ZNF430: variants seen among roughly 807,000 people sequenced by gnomAD.
ZNF430 encodes the protein zinc finger protein 430.
ZNF430 carries 35 observed loss-of-function variants against 56.7 expected under a neutral mutation model. That is an observed-to-expected ratio of 0.62 (90% CI 0.47 to 0.82). The LOEUF (loss-of-function observed/expected upper bound fraction) is 0.82. Ranked by LOEUF, ZNF430 falls within the 40% of genes least tolerant of loss-of-function variation. The probability of loss-of-function intolerance (pLI) is 0.00; values close to 1 mark genes in which losing one functional copy is unlikely to be tolerated. For synonymous variants in ZNF430, 212 were observed against 224.3 expected (o/e 0.94, Z 0.49); for missense variants, 574 against 661.0 (o/e 0.87, Z 1.44).
chr19:21,055,855 G>C (rs1445649417), intron 4 of ZNF430, among the ~76,000 whole-genome samples: 1 of 152,184 alleles, frequency 6.6e-6, no homozygotes, highest in East Asian at 1.9e-4. Context: ...GGTCTCAGCA[G>C]ACTTAAACTG....
chr19:21,032,416 A>T (rs1040081818), intron 2 of ZNF430, among the ~76,000 whole-genome samples: 5 of 152,296 alleles, frequency 3.3e-5, no homozygotes, highest in Admixed American at 6.5e-5. Context: ...GTGTTCTTCT[A>T]TGTGCATCAG....
At chr19:21,033,406 C>T (rs779086953) in intron 2 of ZNF430, 50 bp from the exon 3 acceptor site, 37 of 1,565,302 alleles carry the variant, frequency 2.4e-5, no homozygotes, top group Admixed American at 2.1e-4. Flanking sequence ...AAATTCTGCC[C>T]GTGGCCACTT....
intron 4 of ZNF430, among the ~76,000 whole-genome samples, chr19:21,054,385 T>TAGCAGGACA (rs1968334585): frequency 6.6e-6 from 1 of 151,830 alleles, no homozygotes; most frequent in Non-Finnish European, 1.5e-5. Context: ...TTTTTTTTTT[T>TAGCAGGACA]TATTTAGCAG....
intron 4 of ZNF430, among the ~76,000 whole-genome samples, chr19:21,055,226 G>T (rs1359650693): frequency 6.6e-6 from 1 of 151,274 alleles, no homozygotes; most frequent in Non-Finnish European, 1.5e-5. Flanking sequence ...GCCTTATTTT[G>T]TATACATTGT....
At chr19:21,032,598 A>G (rs573777327) in intron 2 of ZNF430, among the ~76,000 whole-genome samples, 1 of 152,242 alleles carries the variant, frequency 6.6e-6, no homozygotes, top group Non-Finnish European at 1.5e-5. Flanking sequence ...ATGGTGGTAC[A>G]TGCCTGTAAT....
chr19:21,048,831 G>T (rs1485083298), intron 4 of ZNF430, among the ~76,000 whole-genome samples: 1 of 151,672 alleles, frequency 6.6e-6, no homozygotes, highest in Non-Finnish European at 1.5e-5. Context: ...CCTCCCTCCT[G>T]GACGGGGTGG....
intron 4 of ZNF430, among the ~76,000 whole-genome samples, chr19:21,043,579 T>G (rs909187949): frequency 2.0e-5 from 3 of 152,198 alleles, no homozygotes; most frequent in African/African-American, 4.8e-5. Flanking sequence ...TTCTTTTTGC[T>G]TAGAATTTTC....
chr19:21,050,848 T>G (rs776241210), intron 4 of ZNF430, among the ~76,000 whole-genome samples: 1 of 152,090 alleles, frequency 6.6e-6, no homozygotes, highest in Non-Finnish European at 1.5e-5. Context: ...GCTATCTTGG[T>G]GAAACCCTGT....
At chr19:21,049,037 T>C (rs148462750) in intron 4 of ZNF430, among the ~76,000 whole-genome samples, 457 of 151,754 alleles carry the variant, frequency 3.0e-3, no homozygotes, top group African/African-American at 0.01. Flanking sequence ...CTACTAAAAA[T>C]ACAAAAATTA....
At chr19:21,050,326 A>G (rs867098619) in intron 4 of ZNF430, among the ~76,000 whole-genome samples, 2 of 152,206 alleles carry the variant, frequency 1.3e-5, no homozygotes, top group Admixed American at 6.5e-5. Context: ...ACCTCATACC[A>G]ATTAACTGTG....
At chr19:21,039,168 C>G (rs1024207427) in intron 4 of ZNF430, among the ~76,000 whole-genome samples, 1 of 152,028 alleles carries the variant, frequency 6.6e-6, no homozygotes, top group Non-Finnish European at 1.5e-5. Flanking sequence ...AGGCTGGTCT[C>G]AAACTCCTGA....
At chr19:21,030,768 G>C (rs1021462879) in intron 2 of ZNF430, among the ~76,000 whole-genome samples, 11 of 152,100 alleles carry the variant, frequency 7.2e-5, no homozygotes, top group African/African-American at 2.7e-4. Context: ...CAAACTTGCA[G>C]ATCCACATTA....
chr19:21,020,902 G>A, intron 1 of ZNF430, 99 bp downstream of exon 1: 2 of 1,525,884 alleles, frequency 1.3e-6, no homozygotes, highest in South Asian at 2.3e-5. Context: ...GCAGTCAGCT[G>A]CACAATCTGC....
chr19:21,036,541 G>C (rs1412270413), intron 4 of ZNF430: 2 of 151,524 alleles, frequency 1.3e-5, no homozygotes, highest in African/African-American at 4.9e-5. Context: ...TACCTTTTAG[G>C]GCCAGACATG....
At chr19:21,045,446 G>A (rs1465106577) in intron 4 of ZNF430, among the ~76,000 whole-genome samples, 2 of 152,012 alleles carry the variant, frequency 1.3e-5, no homozygotes, top group Non-Finnish European at 2.9e-5. Flanking sequence ...AGACTGTTAT[G>A]ATTTCAGTTC....
At chr19:21,055,848 C>G (rs752054752) in intron 4 of ZNF430, among the ~76,000 whole-genome samples, 3 of 152,174 alleles carry the variant, frequency 2.0e-5, no homozygotes, top group Non-Finnish European at 2.9e-5. Flanking sequence ...TAGCTTTGGT[C>G]TCAGCAGACT....
intron 4 of ZNF430, among the ~76,000 whole-genome samples, chr19:21,048,275 A>C (rs11672524): frequency 0.68 from 96,248 of 140,714 alleles, 36,625 homozygotes; most frequent in East Asian, 0.87. Flanking sequence ...GAGGGAAGGT[A>C]AGCAGATAAA....
intron 1 of ZNF430, 151 bp downstream of exon 1, chr19:21,020,954 C>T: frequency 9.1e-7 from 1 of 1,097,660 alleles, no homozygotes; most frequent in South Asian, 1.4e-5. Context: ...CCCCATCAGC[C>T]TTAAGATGGC....
intron 4 of ZNF430, among the ~76,000 whole-genome samples, chr19:21,046,525 G>A (rs981281969): frequency 6.6e-6 from 1 of 152,068 alleles, no homozygotes; most frequent in Non-Finnish European, 1.5e-5. Context: ...CTCTTGCAAG[G>A]CAGGCCTGGT....
Sources: gnomAD v4.1 joint callset for allele counts (sites outside exome capture counted in the v4.1 genomes callset) on GRCh38, gnomAD v4.1.1 for gene constraint, MANE v1.5 for transcripts, NCBI Gene and HGNC (gene_info 2026-07-23, HGNC 2026-07-21) for gene names.